The following DOCK8 variants were observed in gnomAD, a reference collection of about 807,000 sequenced individuals.
The protein encoded by DOCK8 is dedicator of cytokinesis protein 8.
A neutral mutation model predicts 245.6 loss-of-function variants in DOCK8; 141 were observed. That is an observed-to-expected ratio of 0.57 (90% CI 0.50 to 0.66). DOCK8 has a LOEUF of 0.66. Ranked by LOEUF, DOCK8 falls within the 30% of genes least tolerant of loss-of-function variation. DOCK8 has a pLI of 0.00. For missense variants in DOCK8, 2,965 were observed against 2,603.4 expected (o/e 1.14, Z -3.02); for synonymous variants, 1,168 against 970.2 (o/e 1.20, Z -3.79).
chr9:286,974 T>A lies in DOCK8; in HGVS notation c.332+338T>A. On this transcript the variant is annotated intron_variant, in intron 3 of 47. Transcript: ENST00000432829. ...CTTGGCTGTCACATGACCTCCCAAATCCTCGGTTTCTCCATTTGTAAAAAT... is the reference window on the plus strand; with the variant it reads ...CTTGGCTGTCACATGACCTCCCAAAACCTCGGTTTCTCCATTTGTAAAAAT... Among the ~76,000 whole-genome samples the A allele has an allele frequency of 1.3e-5, 2 of 152,092 alleles. 1 individual carries two copies. The highest frequency in any genetic ancestry group is 3.8e-4 in the East Asian group (2 of 5,198).
chr9:386,291 A>G (rs1360831600), intron 22 of DOCK8, 40 bp from the exon 23 acceptor site: 17 of 1,567,188 alleles, frequency 1.1e-5, no homozygotes, highest in Middle Eastern at 1.7e-4. Flanking sequence ...TTACCTTTCC[A>G]TGGTTGGTTG....
intron 28 of DOCK8, among the ~76,000 whole-genome samples, chr9:410,431 T>C (rs1234448891): frequency 6.6e-6 from 1 of 152,254 alleles, no homozygotes. Context: ...CTTTGTCTAC[T>C]ATAATTTCTC....
intron 8 of DOCK8, among the ~76,000 whole-genome samples, chr9:326,075 G>C (rs1586704637): frequency 6.6e-6 from 1 of 152,294 alleles, no homozygotes; most frequent in South Asian, 2.1e-4. Context: ...CTCAGTTTGA[G>C]AGTTCTTTGC....
intron 4 of DOCK8, among the ~76,000 whole-genome samples, chr9:293,380 A>C (rs1485118702): frequency 3.3e-5 from 5 of 152,164 alleles, no homozygotes; most frequent in Admixed American, 2.0e-4. Context: ...TCCCAACCTC[A>C]CACAGTACAT....
At chr9:425,234 TA>T (rs1564052497) in intron 33 of DOCK8, among the ~76,000 whole-genome samples, 1 of 152,020 alleles carries the variant, frequency 6.6e-6, no homozygotes, top group Non-Finnish European at 1.5e-5. Context: ...GTCAATTAAT[TA>T]AAAAGGATGA....
At chr9:442,056 A>G (rs776814141) in intron 42 of DOCK8, 47 bp downstream of exon 42, 4 of 1,611,450 alleles carry the variant, frequency 2.5e-6, no homozygotes, top group East Asian at 2.2e-5. Context: ...CTTTACAAAA[A>G]CAAGTTAGAG....
At position 432,129 on chromosome 9, in the gene DOCK8, A is replaced by G. The variant is rs1332522771; in HGVS notation, c.4627-37A>G. ...AGTTATCTACTGCTAAGTGTGTCTT[A>G]TTTACTTCATCTTTTTTTTTTTTTT... On this transcript the variant is annotated intron_variant, in intron 36 of 47. Transcript: ENST00000432829. 8.2e-6 allele frequency: 13 copies of G among 1,582,984 alleles called. No homozygotes were observed. The East Asian group carries it at 1.4e-4, about 17-fold the overall frequency.
intron 24 of DOCK8, among the ~76,000 whole-genome samples, chr9:392,787 C>G (rs576491871): frequency 6.6e-6 from 1 of 152,150 alleles, no homozygotes; most frequent in South Asian, 2.1e-4. Context: ...GGCCATAAGA[C>G]CCATTCCCCT....
At chr9:274,517 G>T (rs2048270557) in intron 2 of DOCK8, among the ~76,000 whole-genome samples, 1 of 133,188 alleles carries the variant, frequency 7.5e-6, no homozygotes, top group African/African-American at 2.8e-5. Flanking sequence ...TGAATAGTCT[G>T]CTTAGGAAAT....
At chr9:302,782 C>G (rs540986097) in intron 4 of DOCK8, among the ~76,000 whole-genome samples, 2 of 152,108 alleles carry the variant, frequency 1.3e-5, no homozygotes, top group Non-Finnish European at 2.9e-5. Context: ...AAATACAAAT[C>G]AAAACCACAG....
At chr9:328,994 G>T (rs561234759) in intron 9 of DOCK8, among the ~76,000 whole-genome samples, 1 of 124,226 alleles carries the variant, frequency 8.0e-6, no homozygotes, top group South Asian at 2.5e-4. Context: ...TTGTCACCCA[G>T]GCTGGAGTGC....
At chr9:397,771 T>C (rs1267450431) in intron 25 of DOCK8, among the ~76,000 whole-genome samples, 3 of 152,226 alleles carry the variant, frequency 2.0e-5, no homozygotes, top group African/African-American at 7.2e-5. Flanking sequence ...ATGGGCATGA[T>C]ATTTGCAACC....
intron 40 of DOCK8, among the ~76,000 whole-genome samples, chr9:440,263 G>C (rs2057052078): frequency 6.6e-6 from 1 of 152,066 alleles, no homozygotes; most frequent in South Asian, 2.1e-4. Flanking sequence ...CAAGTGATCT[G>C]CCCATCTTGG....
upstream of DOCK8, chr9:214,397 G>T: frequency 1.1e-6 from 1 of 919,384 alleles, no homozygotes; most frequent in Non-Finnish European, 1.7e-6. Flanking sequence ...AGGATGATGG[G>T]CATATTGCTT....
At chr9:232,143 A>G (rs576337655) in intron 1 of DOCK8, among the ~76,000 whole-genome samples, 1 of 152,186 alleles carries the variant, frequency 6.6e-6, no homozygotes, top group Admixed American at 6.5e-5. Flanking sequence ...TTCTGCATCT[A>G]TTGAGATAAT....
At chr9:339,245 T>C in intron 13 of DOCK8, 146 bp downstream of exon 13, 1 of 749,022 alleles carries the variant, frequency 1.3e-6, no homozygotes, top group Non-Finnish European at 2.3e-6. Flanking sequence ...ATCTGAATTG[T>C]TCTATGTCTT....
chr9:368,022 C>T lies in DOCK8; in HGVS notation c.1684C>T (p.Leu562Phe), dbSNP rs2053094757. The stretch of plus-strand genomic sequence containing the variant: ...TCTTTATCTCTTCTTTTCCAGAAAC[C>T]TTCTCTATGTCTACCCACAGAGGCT... ...VYVPHTVYRN[L>F]LYVYPQRLNF... is the part of the protein sequence containing the mutation. The change falls in exon 15 of 48, where the codon CTT becomes TTT. Residue 562 changes from leucine to phenylalanine, a missense_variant. Transcript: ENST00000432829. 1.9e-6 allele frequency: 3 copies of T among 1,611,870 alleles called. No individual in the cohort carries two copies. The highest frequency in any genetic ancestry group is 2.5e-6 in the Non-Finnish European group (3 of 1,177,962).
chr9:331,573 T>G (rs951194959), intron 9 of DOCK8, among the ~76,000 whole-genome samples: 3 of 152,242 alleles, frequency 2.0e-5, no homozygotes, highest in Non-Finnish European at 4.4e-5. Flanking sequence ...CTGATGGGAC[T>G]AAATCCACTG....
intron 28 of DOCK8, among the ~76,000 whole-genome samples, chr9:407,329 C>T (rs2055481564): frequency 6.6e-6 from 1 of 152,114 alleles, no homozygotes; most frequent in South Asian, 2.1e-4. Context: ...TGGAATTTAC[C>T]AGTTCTGCTA....
Sources: gnomAD v4.1 joint callset for allele counts (sites outside exome capture counted in the v4.1 genomes callset) on GRCh38, gnomAD v4.1.1 for gene constraint, MANE v1.5 for transcripts, NCBI Gene and HGNC (gene_info 2026-07-23, HGNC 2026-07-21) for gene names.